TSPAN3: variants seen among roughly 807,000 people sequenced by gnomAD.
The protein encoded by TSPAN3 is tetraspanin 3, also known as tetraspanin-3.
TSPAN3 carries 9 observed loss-of-function variants against 31.1 expected under a neutral mutation model. That is an observed-to-expected ratio of 0.29 (90% CI 0.17 to 0.50). The LOEUF (loss-of-function observed/expected upper bound fraction) is 0.50, where lower values mean the gene tolerates loss of function less well. Among genes scored for constraint, TSPAN3 ranks in the 20% least tolerant of loss-of-function variants. TSPAN3 has a pLI of 0.98. For missense variants in TSPAN3, 252 were observed against 313.5 expected, an observed-to-expected ratio of 0.80 and a Z score of 1.48; for synonymous variants, 129 against 114.3, an observed-to-expected ratio of 1.13 and a Z score of -0.82.
Position 77,046,155 on chromosome 15 carries a change from G to A in TSPAN3, c.*680C>T, listed in dbSNP as rs768291231. 7.8e-5 allele frequency: 28 copies of A among 359,846 alleles called. No individual in the cohort carries two copies. Among genetic ancestry groups the A allele is most frequent in the Non-Finnish European group, 1.2e-4 (25 of 202,020 alleles). 22.3% of individuals were successfully genotyped at this position (359,846 alleles called of 1,614,324 possible). A position where few individuals can be genotyped will look rare whatever the true frequency, so the allele number is the denominator to read the frequency against. ...CAAGCTTAAGACTTACCATGAATGG[G>A]CTCATTCATACAAAAACACACTCAC... On this transcript the variant is annotated 3_prime_UTR_variant, in exon 7 of 7. Transcript: ENST00000267970.
chr15:77,051,145 C>T (rs1227856831), intron 6 of TSPAN3, among the ~76,000 whole-genome samples: 2 of 152,010 alleles, frequency 1.3e-5, no homozygotes, highest in African/African-American at 4.8e-5. Flanking sequence ...TGGGATCCTA[C>T]TCCTCGGTCT....
At chr15:77,055,697 T>C (rs1310142947) in intron 3 of TSPAN3, 92 bp downstream of exon 3, 2 of 1,013,924 alleles carry the variant, frequency 2.0e-6, no homozygotes, top group African/African-American at 3.2e-5. Context: ...CAAAAGAAAA[T>C]GTTTACTCTG....
At chr15:77,065,527 C>T (rs1490883370) in intron 1 of TSPAN3, among the ~76,000 whole-genome samples, 2 of 152,070 alleles carry the variant, frequency 1.3e-5, no homozygotes, top group African/African-American at 2.4e-5. Flanking sequence ...CCCGGGTTCA[C>T]GCCATGCTCC....
At position 77,046,735 on chromosome 15, in the gene TSPAN3, T is replaced by C; in HGVS notation, c.*100A>G. On this transcript the variant is annotated 3_prime_UTR_variant, in exon 7 of 7. Coordinates refer to ENST00000267970, the MANE Select transcript of TSPAN3 (RefSeq NM_005724.6). ...GCTCTGTCCAACACCAGTGTACATG[T>C]GCTTTAACTAAATGAACTCCAGAGG... The C allele has an allele frequency of 2.4e-6, 2 of 848,936 alleles. No individual in the cohort carries two copies. The highest frequency in any genetic ancestry group is 3.8e-6 in the Non-Finnish European group (2 of 525,412). 52.6% of individuals were successfully genotyped at this position (848,936 alleles called of 1,614,324 possible).
intron 3 of TSPAN3, chr15:77,054,790 G>A (rs188641978): frequency 7.9e-5 from 12 of 152,502 alleles, no homozygotes; most frequent in African/African-American, 2.9e-4. Context: ...TCAGTCCTTA[G>A]AAATGGCACT....
intron 1 of TSPAN3, among the ~76,000 whole-genome samples, chr15:77,065,958 G>A (rs1385040839): frequency 6.6e-6 from 1 of 152,118 alleles, no homozygotes; most frequent in Non-Finnish European, 1.5e-5. Context: ...AGATATTTAA[G>A]ATTATAAATT....
At chr15:77,061,894 T>G (rs1044773035) in intron 1 of TSPAN3, among the ~76,000 whole-genome samples, 1 of 152,320 alleles carries the variant, frequency 6.6e-6, no homozygotes, top group South Asian at 2.1e-4. Flanking sequence ...TGACAAATTC[T>G]TGCTTGCCTG....
Position 77,071,097 on chromosome 15 carries a change from G to C in TSPAN3, c.-143C>G, listed in dbSNP as rs1047055810. Reference sequence around the variant, plus strand: ...AGCCCCTGCGCCGTCGCGCAGCCCCGACCCCAGCAAGTGCCTCGCTCCTCC... The same window carrying C: ...AGCCCCTGCGCCGTCGCGCAGCCCCCACCCCAGCAAGTGCCTCGCTCCTCC... On this transcript the variant is annotated 5_prime_UTR_variant, in exon 1 of 7. Coordinates refer to ENST00000267970, the MANE Select transcript of TSPAN3 (RefSeq NM_005724.6). 109 of 465,344 alleles carry C rather than the reference G, an allele frequency of 2.3e-4. 1 individual carries two copies. The East Asian group carries it at 4.5e-3, about 19-fold the overall frequency. The allele number at this position is 465,344 out of a possible 1,614,324, so 28.8% of individuals were successfully genotyped here. A position where few individuals can be genotyped will look rare whatever the true frequency, so the allele number is the denominator to read the frequency against.
At chr15:77,059,122 G>A (rs1032508382) in intron 1 of TSPAN3, among the ~76,000 whole-genome samples, 3 of 151,892 alleles carry the variant, frequency 2.0e-5, no homozygotes, top group Non-Finnish European at 2.9e-5. Flanking sequence ...TCACTCAGTC[G>A]CCCAGGCTGG....
rs2076672775 is a variant in TSPAN3, at chr15:77,043,813, G to A, written c.*3022C>T. 6.6e-6 allele frequency: 1 copy of A among 152,210 alleles called. No homozygotes were observed. Among genetic ancestry groups the A allele is most frequent in the South Asian group, 2.1e-4 (1 of 4,830 alleles). 9.4% of individuals were successfully genotyped at this position (152,210 alleles called of 1,614,324 possible). ...GACGGAATTTGACAACTGTACTGCA[G>A]TCGTCAGAGAGTATCTTCTTCTTGG... On this transcript the variant is annotated 3_prime_UTR_variant, in exon 7 of 7. Coordinates refer to ENST00000267970, the MANE Select transcript of TSPAN3 (RefSeq NM_005724.6).
At chr15:77,056,640 G>A (rs1173105047) in intron 1 of TSPAN3, among the ~76,000 whole-genome samples, 2 of 152,044 alleles carry the variant, frequency 1.3e-5, no homozygotes, top group African/African-American at 4.8e-5. Context: ...AAATTTGGTA[G>A]AAATGACAGA....
At chr15:77,064,638 G>A (rs1171028042) in intron 1 of TSPAN3, 1 of 152,250 alleles carries the variant, frequency 6.6e-6, no homozygotes, top group Non-Finnish European at 1.5e-5. Flanking sequence ...TAAGAATGTA[G>A]TAAGAGTGGA....
chr15:77,060,220 G>A (rs1053178297), intron 1 of TSPAN3, among the ~76,000 whole-genome samples: 2 of 152,150 alleles, frequency 1.3e-5, no homozygotes, highest in African/African-American at 2.4e-5. Flanking sequence ...AAAACTGCAC[G>A]GATTGCTGAT....
chr15:77,069,182 G>A (rs944699257), intron 1 of TSPAN3, among the ~76,000 whole-genome samples: 2 of 152,162 alleles, frequency 1.3e-5, no homozygotes, highest in Non-Finnish European at 1.5e-5. Flanking sequence ...AGAGATTGCT[G>A]ACTCCTGGTT....
chr15:77,047,029 T>G lies in TSPAN3; in HGVS notation c.670-102A>C, dbSNP rs2076697167. On this transcript the variant is annotated intron_variant, in intron 6 of 6. Coordinates refer to ENST00000267970, the MANE Select transcript of TSPAN3 (RefSeq NM_005724.6). ...AAGAGCTGTTTCAAAGTTCAATGAC[T>G]TCAAATCATCAAAAAGGCAGTAACA... 11 of 851,852 alleles carry G rather than the reference T, an allele frequency of 1.3e-5. No individual in the cohort carries two copies. In the South Asian group the frequency reaches 1.8e-4, roughly 14 times the overall value. The allele number at this position is 851,852 out of a possible 1,614,324, so 52.8% of individuals were successfully genotyped here. A position where few individuals can be genotyped will look rare whatever the true frequency, so the allele number is the denominator to read the frequency against.
chr15:77,063,372 T>A (rs1173211930), intron 1 of TSPAN3: 1 of 151,512 alleles, frequency 6.6e-6, no homozygotes, highest in Non-Finnish European at 1.5e-5. Flanking sequence ...ACTATACTAA[T>A]GAGAAAATTC....
chr15:77,059,624 T>C (rs749088751), intron 1 of TSPAN3, among the ~76,000 whole-genome samples: 7 of 152,224 alleles, frequency 4.6e-5, no homozygotes, highest in Non-Finnish European at 7.3e-5. Context: ...CCTTTAATGT[T>C]GTAGGTTTTT....
chr15:77,059,059 A>C (rs1181585260), intron 1 of TSPAN3, among the ~76,000 whole-genome samples: 1 of 152,056 alleles, frequency 6.6e-6, no homozygotes, highest in African/African-American at 2.4e-5. Flanking sequence ...GAAGAGAAAT[A>C]GTTTAATTTA....
chr15:77,071,078 T>G lies in TSPAN3; in HGVS notation c.-124A>C. ...CCTGCGCGGCGCTCCCCGCAGCCCC[T>G]GCGCCGTCGCGCAGCCCCGACCCCA... On this transcript the variant is annotated 5_prime_UTR_variant, in exon 1 of 7. Coordinates refer to ENST00000267970, the MANE Select transcript of TSPAN3 (RefSeq NM_005724.6). 1.7e-6 allele frequency: 1 copy of G among 598,374 alleles called. No individual in the cohort carries two copies. Among genetic ancestry groups the G allele is most frequent in the African/African-American group, 2.0e-5 (1 of 49,836 alleles). 37.1% of individuals were successfully genotyped at this position (598,374 alleles called of 1,614,324 possible).
Sources: allele counts gnomAD v4.1 joint callset (sites outside exome capture counted in the v4.1 genomes callset), GRCh38; gene constraint gnomAD v4.1.1; transcripts MANE v1.5; gene names NCBI Gene and HGNC (gene_info 2026-07-23, HGNC 2026-07-21).